LRRTM4: variants seen among roughly 807,000 people sequenced by gnomAD.
The protein encoded by LRRTM4 is leucine-rich repeat transmembrane neuronal protein 4.
Under a neutral mutation model 47.6 loss-of-function variants are expected in LRRTM4, and 25 were observed. The observed-to-expected ratio is 0.53, with a 90% CI of 0.38 to 0.73. LRRTM4 has a LOEUF of 0.73. LRRTM4 is among the 30% of genes least tolerant of loss of function. LRRTM4 has a pLI of 0.00. For synonymous variants in LRRTM4, 311 were observed against 269.5 expected (o/e 1.15, Z -1.51); for missense variants, 638 against 713.4 (o/e 0.89, Z 1.20).
intron 3 of LRRTM4, among the ~76,000 whole-genome samples, chr2:77,332,337 A>G (rs1303433033): frequency 6.6e-6 from 1 of 152,220 alleles, no homozygotes; most frequent in African/African-American, 2.4e-5. Flanking sequence ...GAGTCAACAG[A>G]AGACAGAAAT....
chr2:77,142,287 A>G (rs951523783), intron 3 of LRRTM4, among the ~76,000 whole-genome samples: 4 of 152,148 alleles, frequency 2.6e-5, no homozygotes, highest in Non-Finnish European at 5.9e-5. Context: ...GAAGGCTGAA[A>G]AACCTCTGTG....
chr2:76,990,369 T>G (rs1676959220), intron 3 of LRRTM4, among the ~76,000 whole-genome samples: 1 of 151,684 alleles, frequency 6.6e-6, no homozygotes, highest in Non-Finnish European at 1.5e-5. Context: ...GTAAGTTGGA[T>G]AAAATAGCAA....
At chr2:76,857,422 A>T (rs1003682904) in intron 3 of LRRTM4, among the ~76,000 whole-genome samples, 4 of 151,378 alleles carry the variant, frequency 2.6e-5, no homozygotes, top group African/African-American at 7.3e-5. Context: ...GTGTTATTTG[A>T]CTGATTATGT....
At chr2:77,447,855 C>T (rs1052987953) in intron 3 of LRRTM4, among the ~76,000 whole-genome samples, 1 of 152,064 alleles carries the variant, frequency 6.6e-6, no homozygotes, top group Non-Finnish European at 1.5e-5. Flanking sequence ...AAACATTCCT[C>T]GTGTTGTTGG....
chr2:77,205,983 G>A (rs1381479399), intron 3 of LRRTM4, among the ~76,000 whole-genome samples: 1 of 151,234 alleles, frequency 6.6e-6, no homozygotes, highest in African/African-American at 2.4e-5. Context: ...CTACAGACAT[G>A]CACCACCACC....
chr2:76,804,701 C>G (rs1377046425), intron 3 of LRRTM4, among the ~76,000 whole-genome samples: 1 of 146,894 alleles, frequency 6.8e-6, no homozygotes, highest in Non-Finnish European at 1.5e-5. Flanking sequence ...ATTTGATATA[C>G]ATTGATGTAT....
chr2:77,309,770 C>T (rs1434217411), intron 3 of LRRTM4, among the ~76,000 whole-genome samples: 2 of 152,146 alleles, frequency 1.3e-5, no homozygotes, highest in Non-Finnish European at 2.9e-5. Context: ...TATCTCACCA[C>T]AGCAAAAAGC....
At chr2:77,485,108 T>C (rs1329451385) in intron 3 of LRRTM4, among the ~76,000 whole-genome samples, 1 of 152,110 alleles carries the variant, frequency 6.6e-6, no homozygotes, top group African/African-American at 2.4e-5. Context: ...AAAGTTTATT[T>C]TGACAATTTT....
At chr2:76,803,288 A>T (rs191197486) in intron 3 of LRRTM4, among the ~76,000 whole-genome samples, 86 of 152,282 alleles carry the variant, frequency 5.6e-4, no homozygotes, top group Non-Finnish European at 1.0e-3. Flanking sequence ...TGGGCAAAGA[A>T]TCTGAATAGA....
At chr2:77,241,482 C>A (rs1332375638) in intron 3 of LRRTM4, among the ~76,000 whole-genome samples, 2 of 151,916 alleles carry the variant, frequency 1.3e-5, no homozygotes, top group African/African-American at 2.4e-5. Context: ...ATGATTTCTA[C>A]TGATGGAAGC....
chr2:76,812,700 C>CTTTCT (rs1553413502), intron 3 of LRRTM4, among the ~76,000 whole-genome samples: 2 of 135,332 alleles, frequency 1.5e-5, no homozygotes, highest in Non-Finnish European at 3.2e-5. Context: ...TCTTTCTTTT[C>CTTTCT]TTTCTTTATT....
At position 76,983,833 on chromosome 2, in the gene LRRTM4, C is replaced by T. The variant is rs544604472; in HGVS notation, c.1552-234917G>A. Among the ~76,000 whole-genome samples the T allele has an allele frequency of 3.9e-5, 6 of 152,018 alleles. No homozygotes were observed. The South Asian group carries it at 1.2e-3, about 32-fold the overall frequency. ...ATCAAATATTTTAAAATTCATTTGC[C>T]TTCACAATGACAAAGTTTAGAGACA... On this transcript the variant is annotated intron_variant, in intron 3 of 3. Coordinates refer to ENST00000409884, the MANE Select transcript of LRRTM4 (RefSeq NM_001134745.3).
chr2:76,930,859 T>C (rs1402779975), intron 3 of LRRTM4, among the ~76,000 whole-genome samples: 1 of 152,204 alleles, frequency 6.6e-6, no homozygotes, highest in Non-Finnish European at 1.5e-5. Flanking sequence ...CAAGAAATTA[T>C]GAAGCACTGT....
rs201944454 is a variant in LRRTM4, at chr2:77,417,870, C to A, written c.1551+100448G>T. ...GGCACATGTATACATATGTAACAAA[C>A]CTGCACGTTGTGCACATGTACCCTA... On this transcript the variant is annotated intron_variant, in intron 3 of 3. Coordinates refer to ENST00000409884, the MANE Select transcript of LRRTM4 (RefSeq NM_001134745.3). Among the ~76,000 whole-genome samples the A allele has an allele frequency of 4.7e-4, 71 of 152,080 alleles. No individual in the cohort carries two copies. The East Asian group carries it at 0.01, about 22-fold the overall frequency.
chr2:77,318,760 G>A (rs1262917523), intron 3 of LRRTM4, among the ~76,000 whole-genome samples: 7 of 151,912 alleles, frequency 4.6e-5, no homozygotes, highest in East Asian at 1.9e-4. Context: ...TTCCATCAAC[G>A]GACTCTCATT....
chr2:76,791,205 G>T (rs531242021), intron 3 of LRRTM4, among the ~76,000 whole-genome samples: 21 of 152,218 alleles, frequency 1.4e-4, no homozygotes, highest in African/African-American at 5.1e-4. Context: ...AGTGATCCAG[G>T]CATGTGGCTT....
intron 3 of LRRTM4, among the ~76,000 whole-genome samples, chr2:77,491,987 T>G (rs988598048): frequency 6.8e-6 from 1 of 146,858 alleles, no homozygotes; most frequent in Non-Finnish European, 1.5e-5. Flanking sequence ...AAATAGAAAA[T>G]ATAAAATCAT....
At chr2:77,379,946 A>G (rs1248224924) in intron 3 of LRRTM4, among the ~76,000 whole-genome samples, 1 of 152,114 alleles carries the variant, frequency 6.6e-6, no homozygotes, top group Non-Finnish European at 1.5e-5. Context: ...ACAGTTTCAT[A>G]ACAACATATT....
In LRRTM4 at chr2:77,522,255, G is replaced by C. The variant is rs928658454; in HGVS notation, c.-294C>G. The C allele has an allele frequency of 1.3e-5, 8 of 620,208 alleles. No homozygotes were observed. Among genetic ancestry groups the C allele is most frequent in the Non-Finnish European group, 2.0e-5 (7 of 342,322 alleles). The allele number at this position is 620,208 out of a possible 1,614,324, so 38.4% of individuals were successfully genotyped here. On this transcript the variant is annotated 5_prime_UTR_variant, in exon 1 of 4. Coordinates refer to ENST00000409884, the MANE Select transcript of LRRTM4 (RefSeq NM_001134745.3). ...GCAGGCTAGGTTTATCCATTTAGCT[G>C]GTCAGGTTTAAAGTGTTTTGTAGCT...
Sources: allele counts gnomAD v4.1 joint callset (sites outside exome capture counted in the v4.1 genomes callset), GRCh38; gene constraint gnomAD v4.1.1; transcripts MANE v1.5; gene names NCBI Gene and HGNC (gene_info 2026-07-23, HGNC 2026-07-21).